The following PDE1B variants were observed in gnomAD, a reference collection of about 807,000 sequenced individuals.
PDE1B encodes the protein dual specificity calcium/calmodulin-dependent 3',5'-cyclic nucleotide phosphodiesterase 1B.
PDE1B carries 13 observed loss-of-function variants against 66.7 expected under a neutral mutation model. That is an observed-to-expected ratio of 0.19 (90% CI 0.13 to 0.31). PDE1B has a LOEUF of 0.31. Ranked by LOEUF, PDE1B falls within the 10% of genes least tolerant of loss-of-function variation. The pLI, the probability that PDE1B is intolerant of heterozygous loss-of-function variation, is 1.00. For missense variants in PDE1B, 485 were observed against 682.3 expected (o/e 0.71, Z 3.22); for synonymous variants, 230 against 253.9 (o/e 0.91, Z 0.90).
At position 54,569,708 on chromosome 12, in the gene PDE1B, T is replaced by C. The variant is rs58007853; in HGVS notation, c.477+96T>C. The C allele has an allele frequency of 1.6e-3, 539 of 347,702 alleles. 1 individual carries two copies. In the African/African-American group the frequency reaches 0.018, roughly 12 times the overall value. 21.5% of individuals were successfully genotyped at this position (347,702 alleles called of 1,614,324 possible). On this transcript the variant is annotated intron_variant, in intron 5 of 15. Coordinates refer to ENST00000243052, the MANE Select transcript of PDE1B (RefSeq NM_000924.4). This position sits in a 1 kb window ranked among gnomAD's most constrained non-coding sequence, Gnocchi z 4.4. ...GTTTATGGCATTATTTTTGCCTTCC[T>C]TTTTTTTTTTTGAAATGGAGTCTCG...
intron 14 of PDE1B, 61 bp downstream of exon 14, chr12:54,576,762 G>A (rs1408853386): frequency 5.2e-6 from 8 of 1,534,312 alleles, no homozygotes; most frequent in Non-Finnish European, 7.1e-6. Flanking sequence ...GGAGCACTAG[G>A]AGGTCCATTT....
At position 54,576,367 on chromosome 12, in the gene PDE1B, T is replaced by G. The variant is rs1243062214; in HGVS notation, c.1377-204T>G. ...GCTAATCTTGTTTTAATTTTCCTTCTACCAGGAGGGAAGATGTGGAGAGGG... is the reference window on the plus strand; with the variant it reads ...GCTAATCTTGTTTTAATTTTCCTTCGACCAGGAGGGAAGATGTGGAGAGGG... On this transcript the variant is annotated intron_variant, in intron 13 of 15. Transcript: ENST00000243052. 4.8e-6 allele frequency: 3 copies of G among 631,564 alleles called. No homozygotes were observed. In the East Asian group the frequency reaches 8.2e-5, roughly 17 times the overall value. The allele number at this position is 631,564 out of a possible 1,614,324, so 39.1% of individuals were successfully genotyped here. A position where few individuals can be genotyped will look rare whatever the true frequency, so the allele number is the denominator to read the frequency against.
rs1329557296 is a variant in PDE1B, at chr12:54,549,616, C to CGGCGGT, written c.-169_-164dup. 3.3e-5 allele frequency: 15 copies of CGGCGGT among 458,062 alleles called. No individual in the cohort carries two copies. Among genetic ancestry groups the CGGCGGT allele is most frequent in the Non-Finnish European group, 5.4e-5 (14 of 258,796 alleles). 28.4% of individuals were successfully genotyped at this position (458,062 alleles called of 1,614,324 possible). A position where few individuals can be genotyped will look rare whatever the true frequency, so the allele number is the denominator to read the frequency against. ...CGGCTCTGGCAGCGCGCGGCGGCGG[C>CGGCGGT]GGCGGTAGCGGCAGCAGCAGCGGCG... is the stretch of plus-strand genomic sequence containing the variant. On this transcript the variant is annotated 5_prime_UTR_variant, in exon 1 of 16. Coordinates refer to ENST00000243052, the MANE Select transcript of PDE1B (RefSeq NM_000924.4).
intron 2 of PDE1B, among the ~76,000 whole-genome samples, chr12:54,561,164 G>A (rs1957404403): frequency 6.6e-6 from 1 of 152,080 alleles, no homozygotes; most frequent in African/African-American, 2.4e-5. Context: ...TCCCGCTACA[G>A]ACCTCCTCTC....
In PDE1B at chr12:54,569,688, T is replaced by G; in HGVS notation, c.477+76T>G. On this transcript the variant is annotated intron_variant, in intron 5 of 15. Transcript: ENST00000243052. The surrounding 1 kb of genome is among the most constrained non-coding windows in gnomAD (Gnocchi z 4.4). ...CACTGGGACTTCTAGACCCTGTTTA[T>G]GGCATTATTTTTGCCTTCCTTTTTT... is the stretch of plus-strand genomic sequence containing the variant. 1 of 992,946 alleles carries G rather than the reference T, an allele frequency of 1.0e-6. No individual in the cohort carries two copies. Among genetic ancestry groups the G allele is most frequent in the Non-Finnish European group, 1.6e-6 (1 of 635,588 alleles). The allele number at this position is 992,946 out of a possible 1,614,324, so 61.5% of individuals were successfully genotyped here. A position where few individuals can be genotyped will look rare whatever the true frequency, so the allele number is the denominator to read the frequency against.
chr12:54,576,949 T>G, intron 14 of PDE1B: 1 of 605,566 alleles, frequency 1.7e-6, no homozygotes, highest in Non-Finnish European at 2.9e-6. Context: ...CTGTGCACAC[T>G]GTGGTCCCTG....
intron 2 of PDE1B, among the ~76,000 whole-genome samples, chr12:54,558,909 A>G (rs1283456293): frequency 6.6e-6 from 1 of 152,156 alleles, no homozygotes; most frequent in Admixed American, 6.5e-5. Context: ...AGGTGTTCTC[A>G]TACCATATCT....
In PDE1B at chr12:54,576,556, G is replaced by C. The variant is rs758319920; in HGVS notation, c.1377-15G>C. ...GGGGCTTACCTCTTGCGGCTTTTGGGGGTTCTGCTTCTAGCTTTCAGTGGC... is the reference window on the plus strand; with the variant it reads ...GGGGCTTACCTCTTGCGGCTTTTGGCGGTTCTGCTTCTAGCTTTCAGTGGC... On this transcript the variant is annotated splice_polypyrimidine_tract_variant and intron_variant, in intron 13 of 15. Transcript: ENST00000243052. The C allele has an allele frequency of 1.9e-6, 3 of 1,613,840 alleles. No individual in the cohort carries two copies. The African/African-American group carries it at 4.0e-5, about 22-fold the overall frequency.
chr12:54,569,297 G>T lies in PDE1B; in HGVS notation c.341G>T (p.Arg114Leu). Residue 114 changes from arginine to leucine, a missense_variant, in exon 4 of 16, where the codon CGC becomes CTC. By Grantham distance (102) the Arg-to-Leu change is moderately radical. Coordinates refer to ENST00000243052, the MANE Select transcript of PDE1B (RefSeq NM_000924.4). This position sits in a 1 kb window ranked among gnomAD's most constrained non-coding sequence, Gnocchi z 4.4. ...ACCCAGCAGGCCCGGGCCAAAGGCC[G>T]CCGAGCAGAGGAGAAGCCCAAGTTC... Reference protein sequence around the residue: ...TFTQQARAKGRRAEEKPKFRS... With the variant: ...TFTQQARAKGLRAEEKPKFRS... 1 of 1,613,990 alleles carries T rather than the reference G, an allele frequency of 6.2e-7. No homozygotes were observed.
intron 14 of PDE1B, 119 bp from the exon 15 acceptor site, chr12:54,577,106 A>G (rs1592176684): frequency 2.3e-6 from 2 of 875,826 alleles, no homozygotes; most frequent in East Asian, 2.4e-5. Flanking sequence ...GGTTGAATGT[A>G]GTTCAGCTTG....
intron 2 of PDE1B, among the ~76,000 whole-genome samples, chr12:54,552,572 A>G (rs1187409131): frequency 2.0e-5 from 3 of 152,224 alleles, no homozygotes; most frequent in Non-Finnish European, 4.4e-5. Context: ...CCACACTAAT[A>G]TAATAGTGCA....
At chr12:54,574,974 CAAAAA>C (rs35584396) in intron 10 of PDE1B, 119 bp from the exon 11 acceptor site, 1,727 of 432,524 alleles carry the variant, frequency 4.0e-3, no homozygotes, top group South Asian at 6.1e-3. Context: ...GACCCTGTCT[CAAAAA>C]AAAAAAAAAA....
intron 2 of PDE1B, among the ~76,000 whole-genome samples, chr12:54,566,319 A>G (rs1183534364): frequency 6.6e-6 from 1 of 152,206 alleles, no homozygotes; most frequent in Non-Finnish European, 1.5e-5. Flanking sequence ...AAGACTGGAA[A>G]GGCAGGGGTT....
At chr12:54,568,467 TACACACACACACACACACACACAC>T (rs56360853) in intron 3 of PDE1B, among the ~76,000 whole-genome samples, 1 of 143,374 alleles carries the variant, frequency 7.0e-6, no homozygotes, top group African/African-American at 2.7e-5. Context: ...TGTCTAAAAA[TACACACACACACACACACACACAC>T]ACACACACAC....
In PDE1B at chr12:54,569,830, G is replaced by C. The variant is rs1246130899; in HGVS notation, c.477+218G>C. ...TTCTCCTGCCTCAGCCTCCTGAGTA[G>C]CTGGGATTACAGGTGCCCACCACCA... On this transcript the variant is annotated intron_variant, in intron 5 of 15. Coordinates refer to ENST00000243052, the MANE Select transcript of PDE1B (RefSeq NM_000924.4). This position sits in a 1 kb window ranked among gnomAD's most constrained non-coding sequence, Gnocchi z 4.4. 6.6e-6 allele frequency among the ~76,000 whole-genome samples: 1 copy of C among 151,978 alleles called. No homozygotes were observed. Among genetic ancestry groups the C allele is most frequent in the Non-Finnish European group, 1.5e-5 (1 of 67,992 alleles).
At position 54,549,876 on chromosome 12, in the gene PDE1B, G is replaced by C. The variant is rs774670099; in HGVS notation, c.4G>C (p.Glu2Gln). Residue 2 changes from glutamate (E) to glutamine (Q), a missense_variant, in exon 2 of 16, where the codon GAG becomes CAG. Transcript: ENST00000243052. ...GTTCCGTAGACCGTGGCTGAGCATG[G>C]AGCTGTCCCCCCGCAGTCCTCCGGA... M[E>Q]LSPRSPPEML... 6.2e-7 allele frequency: 1 copy of C among 1,613,234 alleles called. No homozygotes were observed. The highest frequency in any genetic ancestry group is 8.5e-7 in the Non-Finnish European group (1 of 1,179,288).
chr12:54,552,691 T>A (rs1957294173), intron 2 of PDE1B, among the ~76,000 whole-genome samples: 1 of 152,198 alleles, frequency 6.6e-6, no homozygotes, highest in South Asian at 2.1e-4. Context: ...GAAGAGAATC[T>A]CTTAACTGTG....
intron 6 of PDE1B, 24 bp downstream of exon 6, chr12:54,570,381 C>T (rs1957595602): frequency 7.6e-7 from 1 of 1,324,432 alleles, no homozygotes; most frequent in Non-Finnish European, 1.1e-6. Context: ...CTACCTCTAC[C>T]TCCAGGCAGG....
chr12:54,563,997 T>C (rs951951141), intron 2 of PDE1B, among the ~76,000 whole-genome samples: 5 of 152,130 alleles, frequency 3.3e-5, no homozygotes, highest in African/African-American at 4.8e-5. Context: ...CCAGGAGCTC[T>C]TGTATAGCTT....
Sources: allele counts gnomAD v4.1 joint callset (sites outside exome capture counted in the v4.1 genomes callset), GRCh38; gene constraint gnomAD v4.1.1; non-coding constraint Gnocchi (gnomAD v3.1); transcripts MANE v1.5; gene names NCBI Gene and HGNC (gene_info 2026-07-23, HGNC 2026-07-21).